Variants in PACRGL observed in about 807,000 individuals in gnomAD.
PACRGL encodes PACRG-like protein.
In PACRGL, 38 loss-of-function variants were observed where a neutral mutation model predicts 34.5. The ratio of observed to expected loss-of-function variants is 1.10; its 90% CI spans 0.85 to 1.44. The LOEUF is 1.44. Ranked by LOEUF, PACRGL falls within the 40% of genes most tolerant of loss-of-function variation. The pLI is 0.00. For missense variants in PACRGL, 305 were observed against 281.4 expected (o/e 1.08, Z -0.60); for synonymous variants, 128 against 100.1 (o/e 1.28, Z -1.66).
At chr4:20,758,679 A>G in the PACRGL span, 1 of 651,436 alleles carries the variant, frequency 1.5e-6, no homozygotes, top group Non-Finnish European at 2.6e-6. Context: ...TACATTAAAA[A>G]TTATATACAC....
downstream of PACRGL, chr4:20,732,693 T>G: frequency 6.2e-7 from 1 of 1,609,568 alleles, no homozygotes; most frequent in Non-Finnish European, 8.5e-7. Flanking sequence ...GAAAAAATGT[T>G]TCAACGTGTT....
intron 1 of PACRGL, among the ~76,000 whole-genome samples, chr4:20,703,947 G>T (rs1291741780): frequency 6.6e-6 from 1 of 152,150 alleles, no homozygotes; most frequent in Non-Finnish European, 1.5e-5. Context: ...TTAACAAGGG[G>T]TTCATAATAA....
chr4:20,737,817 G>A (rs186407667), intron 8 of PACRGL, among the ~76,000 whole-genome samples: 1 of 152,326 alleles, frequency 6.6e-6, no homozygotes, highest in East Asian at 1.9e-4. Context: ...GACAGCCCTT[G>A]GAGGTATGAG....
upstream of PACRGL, among the ~76,000 whole-genome samples, chr4:20,699,003 AGATAG>A (rs1198850022): frequency 1.3e-5 from 2 of 152,208 alleles, no homozygotes; most frequent in Non-Finnish European, 2.9e-5. Flanking sequence ...GGTGAGTTTT[AGATAG>A]CTTAACTCCA....
Position 20,729,975 on chromosome 4 carries a change from T to C in PACRGL, c.*2634T>C. The C allele has an allele frequency of 7.8e-7, 1 of 1,282,766 alleles. No individual in the cohort carries two copies. Among genetic ancestry groups the C allele is most frequent in the Non-Finnish European group, 1.0e-6 (1 of 953,286 alleles). 79.5% of individuals were successfully genotyped at this position (1,282,766 alleles called of 1,614,324 possible). ...TAAAACAAAGCTTGTTTGCATAATA[T>C]GCTTCAGTGTCAAGCTGAGCAATCT... On this transcript the variant is annotated 3_prime_UTR_variant, in exon 9 of 9. Coordinates refer to ENST00000503585, the MANE Select transcript of PACRGL (RefSeq NM_001258345.3).
chr4:20,709,614 T>C, intron 4 of PACRGL, 69 bp from the exon 5 acceptor site: 1 of 984,500 alleles, frequency 1.0e-6, no homozygotes, highest in Non-Finnish European at 1.6e-6. Flanking sequence ...TTATACTGTA[T>C]GTTAGATTAT....
the PACRGL span, chr4:20,766,991 A>G: frequency 1.3e-5 from 2 of 152,198 alleles, no homozygotes; most frequent in East Asian, 3.9e-4. Flanking sequence ...AATGAATAAG[A>G]TACACATATT....
At chr4:20,717,340 A>T (rs755320576) in intron 7 of PACRGL, among the ~76,000 whole-genome samples, 1 of 152,150 alleles carries the variant, frequency 6.6e-6, no homozygotes, top group Non-Finnish European at 1.5e-5. Flanking sequence ...TAGTTTAATT[A>T]GACACCAGTT....
chr4:20,753,620 A>G (rs899012933), downstream of PACRGL, among the ~76,000 whole-genome samples: 3 of 152,172 alleles, frequency 2.0e-5, no homozygotes, highest in Admixed American at 6.5e-5. Context: ...AGCACGAGGA[A>G]TAGAATCACC....
chr4:20,722,711 C>T (rs1325039974), intron 7 of PACRGL, among the ~76,000 whole-genome samples: 9 of 152,186 alleles, frequency 5.9e-5, no homozygotes, highest in African/African-American at 2.2e-4. Context: ...TACCTGGTGT[C>T]ACCCGAAACT....
At chr4:20,735,096 C>T (rs189873124), downstream of PACRGL, among the ~76,000 whole-genome samples, 144 of 152,230 alleles carry the variant, frequency 9.5e-4, no homozygotes, top group Non-Finnish European at 1.5e-3. Flanking sequence ...CAAGTGCACA[C>T]ATAACACACT....
the PACRGL span, among the ~76,000 whole-genome samples, chr4:20,761,647 G>T: frequency 2.0e-5 from 3 of 152,072 alleles, no homozygotes; most frequent in Non-Finnish European, 4.4e-5. Flanking sequence ...AAAGGAAGAG[G>T]ACTTCAAGCA....
the PACRGL span, among the ~76,000 whole-genome samples, chr4:20,764,703 C>CACACACACAT: frequency 6.6e-6 from 1 of 151,522 alleles, no homozygotes; most frequent in East Asian, 1.9e-4. Flanking sequence ...CACACACACA[C>CACACACACAT]ACACAACCCC....
chr4:20,713,342 T>G lies in PACRGL; in HGVS notation c.502-90T>G, dbSNP rs1017616571. 10 of 909,336 alleles carry G rather than the reference T, an allele frequency of 1.1e-5. No individual in the cohort carries two copies. The African/African-American group carries it at 1.7e-4, about 15-fold the overall frequency. 56.3% of individuals were successfully genotyped at this position (909,336 alleles called of 1,614,324 possible). A position where few individuals can be genotyped will look rare whatever the true frequency, so the allele number is the denominator to read the frequency against. The stretch of plus-strand genomic sequence containing the variant: ...TGTTTAATCTTATCCTTTTCTCTAC[T>G]TGCTTGCCCTTTTTTCTAACCTATC... On this transcript the variant is annotated intron_variant, in intron 6 of 8. Coordinates refer to ENST00000503585, the MANE Select transcript of PACRGL (RefSeq NM_001258345.3).
At chr4:20,726,689 C>A (rs1578354788) in intron 8 of PACRGL, among the ~76,000 whole-genome samples, 1 of 152,122 alleles carries the variant, frequency 6.6e-6, no homozygotes, top group East Asian at 1.9e-4. Flanking sequence ...AATGATGGAA[C>A]TATTCAACTT....
rs1746221032 is a variant in PACRGL at position 20,727,390 on chromosome 4, CACTA to C, written c.*53_*56del. 4 of 1,427,172 alleles carry C rather than the reference CACTA, an allele frequency of 2.8e-6. No homozygotes were observed. Among genetic ancestry groups the C allele is most frequent in the Non-Finnish European group, 4.0e-6 (4 of 1,011,068 alleles). The allele number at this position is 1,427,172 out of a possible 1,614,324, so 88.4% of individuals were successfully genotyped here. On this transcript the variant is annotated 3_prime_UTR_variant, in exon 9 of 9. Coordinates refer to ENST00000503585, the MANE Select transcript of PACRGL (RefSeq NM_001258345.3). ...TTTTTCTACCTGTTGACGTGTCAAG[CACTA>C]ACTGTGGGTACTCATTTATTTTATT...
intron 7 of PACRGL, among the ~76,000 whole-genome samples, chr4:20,722,014 C>G (rs893714047): frequency 2.0e-5 from 3 of 152,252 alleles, no homozygotes; most frequent in African/African-American, 4.8e-5. Flanking sequence ...CTGCTGAAAC[C>G]TCAGCAATGG....
chr4:20,743,480 T>C (rs554850739), intron 8 of PACRGL, among the ~76,000 whole-genome samples: 95 of 152,092 alleles, frequency 6.2e-4, no homozygotes, highest in Non-Finnish European at 1.2e-3. Flanking sequence ...TCTACAACCA[T>C]CTGATCTTTG....
intron 7 of PACRGL, among the ~76,000 whole-genome samples, chr4:20,717,212 C>A (rs543813748): frequency 1.3e-5 from 2 of 151,986 alleles, no homozygotes; most frequent in African/African-American, 4.8e-5. Context: ...TGTTTGAGTT[C>A]TTTGTGGATT....
Sources: allele counts gnomAD v4.1 joint callset (sites outside exome capture counted in the v4.1 genomes callset), GRCh38; gene constraint gnomAD v4.1.1; transcripts MANE v1.5; gene names NCBI Gene and HGNC (gene_info 2026-07-23, HGNC 2026-07-21).